Variants in ASTN1 observed in about 807,000 individuals in gnomAD.
ASTN1 encodes astrotactin-1.
A neutral mutation model predicts 140.7 loss-of-function variants in ASTN1; 41 were observed. The observed-to-expected ratio is 0.29, with a 90% CI of 0.23 to 0.38. The LOEUF (loss-of-function observed/expected upper bound fraction) is 0.38, where lower values mean the gene tolerates loss of function less well. ASTN1 is among the 10% of genes least tolerant of loss of function. ASTN1 has a pLI of 1.00. For synonymous variants in ASTN1, 640 were observed against 652.2 expected (o/e 0.98, Z 0.29); for missense variants, 1,479 against 1,678.8 (o/e 0.88, Z 2.08).
At chr1:177,109,786 T>G (rs1019422198) in intron 1 of ASTN1, among the ~76,000 whole-genome samples, 1 of 152,170 alleles carries the variant, frequency 6.6e-6, no homozygotes, top group Admixed American at 6.5e-5. Context: ...GACTTGAAGA[T>G]CTCTCATGGG....
chr1:177,068,732 G>A (rs1678485259), intron 1 of ASTN1, among the ~76,000 whole-genome samples: 1 of 152,030 alleles, frequency 6.6e-6, no homozygotes, highest in Non-Finnish European at 1.5e-5. Flanking sequence ...TTTTCTGTAT[G>A]GCACCTGGAT....
intron 19 of ASTN1, 23 bp from the exon 20 acceptor site, chr1:176,883,017 A>G (rs1384560768): frequency 6.2e-7 from 1 of 1,613,236 alleles, no homozygotes; most frequent in Non-Finnish European, 8.5e-7. Flanking sequence ...GAAGGAATGG[A>G]AAAAGCATGA....
At chr1:177,080,259 CA>C (rs11300384) in intron 1 of ASTN1, among the ~76,000 whole-genome samples, 18,996 of 48,848 alleles carry the variant, frequency 0.39, 1,055 homozygotes, top group Non-Finnish European at 0.44. Flanking sequence ...ATCACCAGGC[CA>C]AAAAAAAAAA....
intron 1 of ASTN1, among the ~76,000 whole-genome samples, chr1:177,116,313 A>G (rs1162093875): frequency 6.6e-6 from 1 of 152,168 alleles, no homozygotes; most frequent in Non-Finnish European, 1.5e-5. Flanking sequence ...TGTATTTTAC[A>G]CTATTATATT....
At chr1:176,886,432 A>G (rs1669034356) in intron 18 of ASTN1, among the ~76,000 whole-genome samples, 1 of 152,232 alleles carries the variant, frequency 6.6e-6, no homozygotes, top group Non-Finnish European at 1.5e-5. Flanking sequence ...GAATTAGTGT[A>G]ACAGCAGCAG....
intron 20 of ASTN1, among the ~76,000 whole-genome samples, chr1:176,879,547 C>T (rs992530676): frequency 6.6e-6 from 1 of 152,138 alleles, no homozygotes; most frequent in Non-Finnish European, 1.5e-5. Context: ...GACCCCTTCT[C>T]TCTCAGTCAA....
chr1:177,056,359 G>A (rs1165895636), intron 2 of ASTN1, among the ~76,000 whole-genome samples: 1 of 152,078 alleles, frequency 6.6e-6, no homozygotes, highest in Non-Finnish European at 1.5e-5. Context: ...TTCACCTGGA[G>A]ATCCCAGAAA....
intron 8 of ASTN1, among the ~76,000 whole-genome samples, chr1:176,969,379 G>GA (rs923184791): frequency 8.6e-5 from 13 of 151,850 alleles, no homozygotes; most frequent in African/African-American, 2.7e-4. Context: ...TCCTCATTAG[G>GA]AAAAAAAATA....
chr1:177,008,465 G>GGA (rs1675106720), intron 8 of ASTN1, among the ~76,000 whole-genome samples: 5 of 143,572 alleles, frequency 3.5e-5, no homozygotes, highest in Non-Finnish European at 7.7e-5. Context: ...GAGAGGAAGA[G>GGA]AGAGAGAGAG....
intron 8 of ASTN1, among the ~76,000 whole-genome samples, chr1:176,995,444 G>A (rs1397201253): frequency 6.6e-6 from 1 of 152,206 alleles, no homozygotes; most frequent in Admixed American, 6.5e-5. Flanking sequence ...TAAGTAGAAA[G>A]TAATCAGATA....
chr1:177,150,385 G>A (rs1382255267), intron 1 of ASTN1, among the ~76,000 whole-genome samples: 1 of 152,134 alleles, frequency 6.6e-6, no homozygotes, highest in Non-Finnish European at 1.5e-5. Flanking sequence ...TAAAGGTAAA[G>A]CATGTAAATT....
At chr1:177,023,970 C>A (rs1388631236) in intron 6 of ASTN1, among the ~76,000 whole-genome samples, 1 of 152,124 alleles carries the variant, frequency 6.6e-6, no homozygotes, top group African/African-American at 2.4e-5. Context: ...AATTGCAGGC[C>A]CTCTAACACT....
In ASTN1 at chr1:176,862,683, T is replaced by C; in HGVS notation, c.*1601A>G. ...TTTGAGGCAAGTTGTATAACCTCTC[T>C]TTGCCTCGTTTTCCTCAACACTAAA... On this transcript the variant is annotated 3_prime_UTR_variant, in exon 23 of 23. Coordinates refer to ENST00000361833, the MANE Select transcript of ASTN1 (RefSeq NM_004319.3). 1.1e-6 allele frequency: 1 copy of C among 907,438 alleles called. No homozygotes were observed. Among genetic ancestry groups the C allele is most frequent in the Non-Finnish European group, 1.3e-6 (1 of 759,042 alleles). 56.2% of individuals were successfully genotyped at this position (907,438 alleles called of 1,614,324 possible).
chr1:176,940,049 TA>T (rs1671649864), intron 14 of ASTN1, among the ~76,000 whole-genome samples: 1 of 152,196 alleles, frequency 6.6e-6, no homozygotes, highest in South Asian at 2.1e-4. Flanking sequence ...CCCAGAGGTC[TA>T]AACCTTCACA....
At chr1:177,128,983 G>A (rs1681808883) in intron 1 of ASTN1, among the ~76,000 whole-genome samples, 1 of 152,184 alleles carries the variant, frequency 6.6e-6, no homozygotes, top group African/African-American at 2.4e-5. Context: ...TGTCAAAGGT[G>A]CCAACGAGCT....
chr1:176,990,163 C>T (rs989439614), intron 8 of ASTN1, among the ~76,000 whole-genome samples: 2 of 128,340 alleles, frequency 1.6e-5, no homozygotes, highest in African/African-American at 3.0e-5. Context: ...TGATCTGAAC[C>T]AAGGAGCGGC....
Position 176,991,436 on chromosome 1 carries a change from C to CAAAAAAAAAAAAAAAAAAAAAACA in ASTN1, c.1523+23354_1523+23355insTGTTTTTTTTTTTTTTTTTTTTTT, listed in dbSNP as rs1674166802. ...CTCAAAAAAAAAAAAAAAAAAAAAC[C>CAAAAAAAAAAAAAAAAAAAAAACA]AAAAAAAAAAAAAAAAAAAAAACCA... On this transcript the variant is annotated intron_variant, in intron 8 of 22. Transcript: ENST00000361833. Among the ~76,000 whole-genome samples the CAAAAAAAAAAAAAAAAAAAAAACA allele has an allele frequency of 7.2e-3, 99 of 13,718 alleles. 2 individuals are homozygous for CAAAAAAAAAAAAAAAAAAAAAACA. Among genetic ancestry groups the CAAAAAAAAAAAAAAAAAAAAAACA allele is most frequent in the Non-Finnish European group, 8.6e-3 (55 of 6,378 alleles). The allele number at this position is 13,718 out of a possible 152,430, so 9.0% of individuals were successfully genotyped here.
chr1:177,105,940 G>A (rs957803629), intron 1 of ASTN1, among the ~76,000 whole-genome samples: 1 of 152,162 alleles, frequency 6.6e-6, no homozygotes, highest in South Asian at 2.1e-4. Flanking sequence ...AGGCTGCAGT[G>A]AGCTATTACT....
chr1:176,964,305 G>T (rs999085850), intron 9 of ASTN1, among the ~76,000 whole-genome samples: 6 of 152,152 alleles, frequency 3.9e-5, no homozygotes, highest in Admixed American at 3.9e-4. Flanking sequence ...TTCATCAGCC[G>T]CTTATGCAGG....
Sources: allele counts gnomAD v4.1 joint callset (sites outside exome capture counted in the v4.1 genomes callset), GRCh38; gene constraint gnomAD v4.1.1; transcripts MANE v1.5; gene names NCBI Gene and HGNC (gene_info 2026-07-23, HGNC 2026-07-21).